Variants in SLC24A3 observed in about 807,000 individuals in gnomAD.
SLC24A3 encodes solute carrier family 24 member 3, also known as sodium/potassium/calcium exchanger 3.
A neutral mutation model predicts 75.8 loss-of-function variants in SLC24A3; 28 were observed. The ratio of observed to expected loss-of-function variants is 0.37; its 90% CI spans 0.27 to 0.51. SLC24A3 has a LOEUF of 0.51. Among genes scored for constraint, SLC24A3 ranks in the 20% least tolerant of loss-of-function variants. SLC24A3 has a pLI of 0.94. For missense variants in SLC24A3, 663 were observed against 847.8 expected (o/e 0.78, Z 2.71); for synonymous variants, 372 against 334.1 (o/e 1.11, Z -1.24).
intron 1 of SLC24A3, among the ~76,000 whole-genome samples, chr20:19,230,661 T>TG (rs5840835): frequency 0.12 from 12,539 of 102,768 alleles, 1,970 homozygotes; most frequent in East Asian, 0.73. Context: ...GACATATTGA[T>TG]GGGGGGGGTG....
At chr20:19,662,381 G>A (rs1388928426) in intron 7 of SLC24A3, among the ~76,000 whole-genome samples, 2 of 152,256 alleles carry the variant, frequency 1.3e-5, no homozygotes, top group Non-Finnish European at 2.9e-5. Context: ...CAGAGCACCA[G>A]GCAGGACCTG....
chr20:19,357,464 C>G (rs1985708959), intron 2 of SLC24A3, among the ~76,000 whole-genome samples: 1 of 152,204 alleles, frequency 6.6e-6, no homozygotes, highest in Non-Finnish European at 1.5e-5. Flanking sequence ...GATTATTCAT[C>G]AACATTGCCT....
chr20:19,666,331 C>T (rs1033775904), intron 8 of SLC24A3, among the ~76,000 whole-genome samples: 1 of 151,600 alleles, frequency 6.6e-6, no homozygotes, highest in Non-Finnish European at 1.5e-5. Context: ...ACGGTGAAAC[C>T]TCGTCTCTAC....
chr20:19,472,020 T>G (rs988431219), intron 2 of SLC24A3, among the ~76,000 whole-genome samples: 4 of 152,210 alleles, frequency 2.6e-5, no homozygotes, highest in Non-Finnish European at 4.4e-5. Context: ...ATTATTCAAT[T>G]TTTGCAAATA....
At chr20:19,619,520 A>T (rs1341577149) in intron 6 of SLC24A3, among the ~76,000 whole-genome samples, 1 of 152,214 alleles carries the variant, frequency 6.6e-6, no homozygotes, top group South Asian at 2.1e-4. Flanking sequence ...AGGATCTGTG[A>T]TCATGAGAAT....
intron 2 of SLC24A3, among the ~76,000 whole-genome samples, chr20:19,375,076 G>C (rs1352199859): frequency 6.6e-6 from 1 of 152,058 alleles, no homozygotes; most frequent in Non-Finnish European, 1.5e-5. Flanking sequence ...TCTCTTCCCA[G>C]TATCACCTCC....
chr20:19,516,119 C>T (rs1185906059), intron 3 of SLC24A3, among the ~76,000 whole-genome samples: 1 of 152,170 alleles, frequency 6.6e-6, no homozygotes, highest in African/African-American at 2.4e-5. Flanking sequence ...CAACTAGCAC[C>T]ATGTCTGACA....
chr20:19,668,424 A>C (rs1009019294), intron 8 of SLC24A3, among the ~76,000 whole-genome samples: 14 of 152,214 alleles, frequency 9.2e-5, no homozygotes, highest in Admixed American at 2.6e-4. Context: ...CAATTAAAGC[A>C]CAGTAACATT....
chr20:19,502,868 CA>C (rs368651686), intron 2 of SLC24A3, among the ~76,000 whole-genome samples: 5,056 of 72,184 alleles, frequency 0.07, 279 homozygotes, highest in African/African-American at 0.24. Flanking sequence ...CTGTCTCTAC[CA>C]AAAAAAAAAA....
At chr20:19,244,846 G>C (rs546426151) in intron 1 of SLC24A3, among the ~76,000 whole-genome samples, 21 of 152,258 alleles carry the variant, frequency 1.4e-4, no homozygotes, top group African/African-American at 4.8e-4. Flanking sequence ...GATATCCTTG[G>C]AGCTGTAAAT....
chr20:19,536,274 G>A (rs1027874271), intron 3 of SLC24A3, among the ~76,000 whole-genome samples: 3 of 152,098 alleles, frequency 2.0e-5, no homozygotes, highest in Non-Finnish European at 2.9e-5. Context: ...GTCATACACA[G>A]TACAATGTTT....
At chr20:19,375,576 A>G (rs988090890) in intron 2 of SLC24A3, among the ~76,000 whole-genome samples, 1 of 152,198 alleles carries the variant, frequency 6.6e-6, no homozygotes, top group Non-Finnish European at 1.5e-5. Flanking sequence ...TCTTCTGCAC[A>G]TTGCCTTATG....
Position 19,685,209 on chromosome 20 carries a change from C to T in SLC24A3, c.1172C>T (p.Pro391Leu). ...VENGTGPSSA[P>L]DRGVNGTRRD... ...AATGGGACAGGGCCCAGCAGTGCCC[C>T]AGACAGGGGCGTGAATGGGACACGG... Residue 391 changes from proline to leucine, a missense_variant, in exon 12 of 17, where the codon CCA becomes CTA. Transcript: ENST00000328041. The T allele has an allele frequency of 1.2e-6, 2 of 1,614,138 alleles. No individual in the cohort carries two copies. The highest frequency in any genetic ancestry group is 1.1e-5 in the South Asian group (1 of 91,062).
At chr20:19,512,456 G>T (rs1380322126) in intron 2 of SLC24A3, among the ~76,000 whole-genome samples, 1 of 152,234 alleles carries the variant, frequency 6.6e-6, no homozygotes, top group East Asian at 1.9e-4. Flanking sequence ...GGGCCACCAT[G>T]TGGGCTGGCA....
intron 8 of SLC24A3, among the ~76,000 whole-genome samples, chr20:19,672,649 C>G (rs2032481830): frequency 6.6e-6 from 1 of 152,142 alleles, no homozygotes; most frequent in Non-Finnish European, 1.5e-5. Context: ...CATAATCATT[C>G]TTAATGGATA....
rs1392947573 is a variant in SLC24A3, at chr20:19,722,898, T to G, written c.*1758T>G. On this transcript the variant is annotated 3_prime_UTR_variant, in exon 17 of 17. Transcript: ENST00000328041. ...GTAAAATAAACTTCTCTGTTCTCTA[T>G]CCTTCCCAGAGCAGAGTGCATTACT... The G allele has an allele frequency of 6.5e-6, 1 of 152,692 alleles. No individual in the cohort carries two copies. Among genetic ancestry groups the G allele is most frequent in the Non-Finnish European group, 1.5e-5 (1 of 68,048 alleles). 9.5% of individuals were successfully genotyped at this position (152,692 alleles called of 1,614,324 possible). A position where few individuals can be genotyped will look rare whatever the true frequency, so the allele number is the denominator to read the frequency against.
chr20:19,342,565 C>T (rs903211674), intron 2 of SLC24A3, among the ~76,000 whole-genome samples: 16 of 152,206 alleles, frequency 1.1e-4, no homozygotes, highest in African/African-American at 3.9e-4. Context: ...TTATTTATGA[C>T]AACTGTTTTA....
chr20:19,347,624 C>G (rs552673028), intron 2 of SLC24A3, among the ~76,000 whole-genome samples: 2 of 152,052 alleles, frequency 1.3e-5, no homozygotes, highest in Non-Finnish European at 2.9e-5. Context: ...TATTAACTTA[C>G]AAAATAAATT....
intron 1 of SLC24A3, among the ~76,000 whole-genome samples, chr20:19,213,803 C>T (rs1394621804): frequency 6.6e-6 from 1 of 152,136 alleles, no homozygotes; most frequent in African/African-American, 2.4e-5. Flanking sequence ...GAAACAGCTT[C>T]GATCCTGGGA....
Sources: gnomAD v4.1 joint callset for allele counts (sites outside exome capture counted in the v4.1 genomes callset) on GRCh38, gnomAD v4.1.1 for gene constraint, MANE v1.5 for transcripts, NCBI Gene and HGNC (gene_info 2026-07-23, HGNC 2026-07-21) for gene names.